Variants in LRRD1 observed in about 807,000 individuals in gnomAD.
LRRD1 encodes leucine-rich repeat and death domain-containing protein 1.
A neutral mutation model predicts 69.5 loss-of-function variants in LRRD1; 49 were observed. The observed-to-expected ratio is 0.70, with a 90% CI of 0.56 to 0.89. LRRD1 has a LOEUF of 0.89. Ranked by LOEUF, LRRD1 falls within the 40% of genes least tolerant of loss-of-function variation. LRRD1 has a pLI of 0.00. For missense variants in LRRD1, 853 were observed against 956.0 expected, an observed-to-expected ratio of 0.89 and a Z score of 1.42; for synonymous variants, 303 against 338.9, an observed-to-expected ratio of 0.89 and a Z score of 1.16.
At chr7:92,158,318 T>C (rs1041436359) in intron 3 of LRRD1, among the ~76,000 whole-genome samples, 5 of 152,138 alleles carry the variant, frequency 3.3e-5, no homozygotes, top group Non-Finnish European at 7.3e-5. Context: ...ATCTTGCCAC[T>C]GTGCTCCAGC....
chr7:92,159,632 T>C (rs1280300967), intron 2 of LRRD1, among the ~76,000 whole-genome samples: 4 of 149,248 alleles, frequency 2.7e-5, no homozygotes, highest in African/African-American at 9.9e-5. Flanking sequence ...TTTTTTTTTT[T>C]TTTTTTGAGA....
chr7:92,164,855 G>A lies in LRRD1; in HGVS notation c.348C>T (p.Phe116=), dbSNP rs1302479033. ...CTTCTCCTACTGTTTCATGAGATAG[G>A]AAGTTAACCAAAGCCTGATATTCTG... The part of the protein sequence containing the change: ...RTAEYQALVN[F]LSHETVGEVS... The change falls in exon 2 of 6, where the codon TTC becomes TTT. Residue 116 remains phenylalanine, a synonymous_variant. Transcript: ENST00000458448. The A allele has an allele frequency of 9.7e-6, 15 of 1,551,508 alleles. No individual in the cohort carries two copies. Among genetic ancestry groups the A allele is most frequent in the Admixed American group, 2.0e-5 (1 of 50,970 alleles).
At chr7:92,156,023 A>G (rs1368216698) in intron 3 of LRRD1, among the ~76,000 whole-genome samples, 1 of 152,222 alleles carries the variant, frequency 6.6e-6, no homozygotes, top group African/African-American at 2.4e-5. Flanking sequence ...CCACTGACTC[A>G]GATGTTAATC....
intron 3 of LRRD1, among the ~76,000 whole-genome samples, chr7:92,155,980 A>G (rs1584654484): frequency 6.6e-6 from 1 of 152,168 alleles, no homozygotes; most frequent in Non-Finnish European, 1.5e-5. Flanking sequence ...GATTGTGCCC[A>G]CCCAGATTGA....
At chr7:92,145,115 T>C in intron 5 of LRRD1, 41 bp from the exon 6 acceptor site, 1 of 1,019,422 alleles carries the variant, frequency 9.8e-7, no homozygotes, top group East Asian at 3.2e-5. Flanking sequence ...TAAATATTTA[T>C]TAACGTTTAA....
At chr7:92,142,435 T>G, downstream of LRRD1, 1 of 456,700 alleles carries the variant, frequency 2.2e-6, no homozygotes, top group Non-Finnish European at 4.4e-6. Flanking sequence ...GTGCATGATA[T>G]ACCAAGACTA....
intron 2 of LRRD1, 140 bp from the exon 3 acceptor site, chr7:92,159,343 T>A: frequency 1.6e-6 from 1 of 614,896 alleles, no homozygotes; most frequent in Non-Finnish European, 2.6e-6. Flanking sequence ...ATGTCACAAA[T>A]TCTTTGTGAC....
At position 92,145,111 on chromosome 7, in the gene LRRD1, T is replaced by C. The variant is rs188106007; in HGVS notation, c.2397-37A>G. On this transcript the variant is annotated intron_variant, in intron 5 of 5. Coordinates refer to ENST00000458448, the MANE Select transcript of LRRD1 (RefSeq NM_001161528.2). ...TATTAATAATATTAATAGTTAAATA[T>C]TTATTAACGTTTAATATATTTAAAT... 198 of 1,012,860 alleles carry C rather than the reference T, an allele frequency of 2.0e-4. 1 individual carries two copies. The East Asian group carries it at 6.2e-3, about 32-fold the overall frequency. 62.7% of individuals were successfully genotyped at this position (1,012,860 alleles called of 1,614,324 possible). A position where few individuals can be genotyped will look rare whatever the true frequency, so the allele number is the denominator to read the frequency against.
At chr7:92,158,974 A>G in intron 3 of LRRD1, 31 bp downstream of exon 3, 1 of 1,501,604 alleles carries the variant, frequency 6.7e-7, no homozygotes, top group South Asian at 1.3e-5. Flanking sequence ...CTACTTATTG[A>G]TTATGCTTAC....
intron 1 of LRRD1, among the ~76,000 whole-genome samples, chr7:92,174,461 A>G (rs1423963100): frequency 8.5e-6 from 1 of 117,294 alleles, no homozygotes; most frequent in African/African-American, 3.2e-5. Context: ...TATATTATGT[A>G]TCAATTAGAA....
chr7:92,162,355 C>T (rs1181618588), intron 2 of LRRD1, among the ~76,000 whole-genome samples: 3 of 152,198 alleles, frequency 2.0e-5, no homozygotes, highest in Non-Finnish European at 4.4e-5. Context: ...TGATCACAGA[C>T]ACTGCTCCCC....
At chr7:92,170,496 G>A (rs1789032148) in intron 1 of LRRD1, among the ~76,000 whole-genome samples, 1 of 152,116 alleles carries the variant, frequency 6.6e-6, no homozygotes, top group Non-Finnish European at 1.5e-5. Context: ...AAGAGAAAAG[G>A]CGCAAATAAC....
chr7:92,163,371 C>A lies in LRRD1; in HGVS notation c.1832G>T (p.Ser611Ile), dbSNP rs530228292. The A allele has an allele frequency of 1.0e-4, 154 of 1,545,862 alleles. No homozygotes were observed. Among genetic ancestry groups the A allele is most frequent in the Non-Finnish European group, 1.3e-4 (151 of 1,145,364 alleles). Residue 611 changes from serine (S) to isoleucine (I), a missense_variant, in exon 2 of 6, where the codon AGC (serine) becomes ATC (isoleucine). By Grantham distance (142) the Ser-to-Ile change is moderately radical. This residue lies in a region of LRRD1 where 739 missense variants were observed against 808.0 expected (regional missense o/e 0.91). Transcript: ENST00000458448. ...LKGIQKLNFS[S>I]NQFIHFPIEL... is the part of the protein sequence containing the mutation. The stretch of plus-strand genomic sequence containing the variant: ...AATAGGAAAATGTATAAATTGATTG[C>A]TTGAGAAGTTTAATTTCTGGATTCC...
chr7:92,152,525 A>G (rs1248260025), intron 3 of LRRD1, among the ~76,000 whole-genome samples: 1 of 152,140 alleles, frequency 6.6e-6, no homozygotes, highest in African/African-American at 2.4e-5. Flanking sequence ...GATGGTTTGT[A>G]TGGTTAAGTG....
chr7:92,152,375 A>G (rs1292283588), intron 3 of LRRD1, among the ~76,000 whole-genome samples: 1 of 152,004 alleles, frequency 6.6e-6, no homozygotes, highest in Non-Finnish European at 1.5e-5. Flanking sequence ...GATGTAAATA[A>G]TTTATCCATT....
rs1172762705 is a variant in LRRD1, at chr7:92,146,167, G to A, written c.2312C>T (p.Ala771Val). ...AAAATTGGTTTCAGTGATGTTGTTG[G>A]CAACTATCTTGAATATCTTCTCTAA... ...KILEKIFKIV[A>V]NNITETNFEF... is the part of the protein sequence containing the mutation. The change falls in exon 5 of 6, where the codon GCC becomes GTC. Residue 771 changes from alanine to valine, a missense_variant. Transcript: ENST00000458448. 1 of 1,534,210 alleles carries A rather than the reference G, an allele frequency of 6.5e-7. No individual in the cohort carries two copies. The highest frequency in any genetic ancestry group is 8.8e-7 in the Non-Finnish European group (1 of 1,139,674).
At position 92,179,104 on chromosome 7, in the gene LRRD1, C is replaced by G. The variant is rs1789265961; in HGVS notation, c.-172G>C. On this transcript the variant is annotated 5_prime_UTR_variant, in exon 1 of 6. Coordinates refer to ENST00000458448, the MANE Select transcript of LRRD1 (RefSeq NM_001161528.2). Reference sequence around the variant, plus strand: ...TGCGAGGACCTCCGCAGGCGCAGCCCAGCACTGACGCCTCTCCGGGCCGTG... The same window carrying G: ...TGCGAGGACCTCCGCAGGCGCAGCCGAGCACTGACGCCTCTCCGGGCCGTG... 6.6e-6 allele frequency: 1 copy of G among 152,302 alleles called. No homozygotes were observed. The highest frequency in any genetic ancestry group is 2.1e-4 in the South Asian group (1 of 4,836). 9.4% of individuals were successfully genotyped at this position (152,302 alleles called of 1,614,324 possible).
At chr7:92,156,139 G>A (rs891689942) in intron 3 of LRRD1, among the ~76,000 whole-genome samples, 1 of 152,160 alleles carries the variant, frequency 6.6e-6, no homozygotes, top group Non-Finnish European at 1.5e-5. Context: ...TCTATTTCTA[G>A]ACTCTCTATT....
chr7:92,149,014 CGGGATTACA>C, intron 4 of LRRD1, among the ~76,000 whole-genome samples: 1 of 150,872 alleles, frequency 6.6e-6, no homozygotes, highest in Non-Finnish European at 1.5e-5. Flanking sequence ...CCCAAAGTGC[CGGGATTACA>C]GGTGTGAGCC....
Sources: allele counts gnomAD v4.1 joint callset (sites outside exome capture counted in the v4.1 genomes callset), GRCh38; gene constraint gnomAD v4.1.1; regional missense constraint gnomAD v4.1.1; transcripts MANE v1.5; gene names NCBI Gene and HGNC (gene_info 2026-07-23, HGNC 2026-07-21).